CNTNAP5: variants seen among roughly 807,000 people sequenced by gnomAD.
CNTNAP5 encodes the protein contactin-associated protein-like 5.
In CNTNAP5, 72 loss-of-function variants were observed where a neutral mutation model predicts 150.2. The observed-to-expected ratio is 0.48, with a 90% CI of 0.40 to 0.58. The LOEUF is 0.58. Among genes scored for constraint, CNTNAP5 ranks in the 20% least tolerant of loss-of-function variants. The probability of loss-of-function intolerance (pLI) is 0.00; values close to 1 mark genes in which losing one functional copy is unlikely to be tolerated. For synonymous variants in CNTNAP5, 672 were observed against 619.8 expected (o/e 1.08, Z -1.25); for missense variants, 1,636 against 1,626.2 (o/e 1.01, Z -0.10).
intron 1 of CNTNAP5, among the ~76,000 whole-genome samples, chr2:124,104,194 C>A (rs561845375): frequency 5.9e-5 from 9 of 151,870 alleles, no homozygotes; most frequent in African/African-American, 2.2e-4. Flanking sequence ...ATTTTTCTTT[C>A]ATTTTTGAAG....
intron 3 of CNTNAP5, among the ~76,000 whole-genome samples, chr2:124,408,554 C>G (rs2104766465): frequency 6.6e-6 from 1 of 152,024 alleles, no homozygotes; most frequent in East Asian, 1.9e-4. Context: ...GGCAGACTGC[C>G]TCCTCAAGTG....
chr2:124,242,276 T>G lies in CNTNAP5; in HGVS notation c.264T>G (p.Ile88Met), dbSNP rs376635773. Residue 88 changes from isoleucine (I) to methionine (M), a missense_variant, in exon 3 of 24, where the codon ATT (isoleucine) becomes ATG (methionine). By Grantham distance (10) the Ile-to-Met change is conservative. Transcript: ENST00000682447. Reference protein sequence around the residue: ...LQMDLGNRVEITAVATQGRYG... With the variant: ...LQMDLGNRVEMTAVATQGRYG... ...TGGACCTGGGAAACAGAGTAGAGATTACAGCAGTGGCCACGCAGGGAAGAT... is the reference window on the plus strand; with the variant it reads ...TGGACCTGGGAAACAGAGTAGAGATGACAGCAGTGGCCACGCAGGGAAGAT... The G allele has an allele frequency of 6.2e-7, 1 of 1,609,944 alleles. No individual in the cohort carries two copies. Among genetic ancestry groups the G allele is most frequent in the Non-Finnish European group, 8.5e-7 (1 of 1,178,244 alleles).
intron 13 of CNTNAP5, among the ~76,000 whole-genome samples, chr2:124,736,564 G>C (rs569591225): frequency 6.6e-6 from 1 of 152,270 alleles, no homozygotes; most frequent in Admixed American, 6.5e-5. Flanking sequence ...AAACCTTACT[G>C]TATGGTGGTC....
At chr2:124,176,373 C>T (rs1685063880) in intron 1 of CNTNAP5, among the ~76,000 whole-genome samples, 1 of 152,174 alleles carries the variant, frequency 6.6e-6, no homozygotes, top group African/African-American at 2.4e-5. Context: ...ACTCAGAGCT[C>T]TGAAGCAGTC....
At chr2:124,238,300 CATGATGGAG>C (rs1686803164) in intron 2 of CNTNAP5, among the ~76,000 whole-genome samples, 1 of 151,994 alleles carries the variant, frequency 6.6e-6, no homozygotes, top group African/African-American at 2.4e-5. Flanking sequence ...ATCCTGTTTG[CATGATGGAG>C]ATCATTTGAG....
intron 3 of CNTNAP5, among the ~76,000 whole-genome samples, chr2:124,300,859 C>G (rs573836331): frequency 1.3e-5 from 2 of 152,292 alleles, no homozygotes; most frequent in South Asian, 2.1e-4. Flanking sequence ...TCTGCTGCAG[C>G]TTTCACCTTG....
intron 1 of CNTNAP5, among the ~76,000 whole-genome samples, chr2:124,131,798 A>G (rs1387331393): frequency 6.6e-6 from 1 of 152,170 alleles, no homozygotes; most frequent in African/African-American, 2.4e-5. Flanking sequence ...TTTTCATCCC[A>G]CTATGGAAGC....
At chr2:124,815,174 A>G (rs907591772) in intron 19 of CNTNAP5, among the ~76,000 whole-genome samples, 1 of 152,236 alleles carries the variant, frequency 6.6e-6, no homozygotes, top group Non-Finnish European at 1.5e-5. Context: ...CAGAATTTTC[A>G]ATAAACTGGC....
At chr2:124,296,285 T>A (rs897897085) in intron 3 of CNTNAP5, among the ~76,000 whole-genome samples, 1 of 152,230 alleles carries the variant, frequency 6.6e-6, no homozygotes, top group African/African-American at 2.4e-5. Context: ...CCATTCACCA[T>A]CTTGTAGCAT....
At chr2:124,184,021 T>G (rs1346915263) in intron 1 of CNTNAP5, among the ~76,000 whole-genome samples, 1 of 152,164 alleles carries the variant, frequency 6.6e-6, no homozygotes, top group Non-Finnish European at 1.5e-5. Context: ...GGCCAAGACA[T>G]TTAGAGGATT....
At chr2:124,774,214 AT>A (rs370255089) in intron 17 of CNTNAP5, among the ~76,000 whole-genome samples, 18 of 148,968 alleles carry the variant, frequency 1.2e-4, no homozygotes, top group East Asian at 3.9e-4. Context: ...TTGTTTATTT[AT>A]TTTTTTTTTG....
intron 13 of CNTNAP5, among the ~76,000 whole-genome samples, chr2:124,683,045 A>G (rs1186980089): frequency 6.6e-6 from 1 of 152,184 alleles, no homozygotes; most frequent in Non-Finnish European, 1.5e-5. Context: ...TGAGTTGTGT[A>G]TGTCTTGTGA....
At chr2:124,795,516 GTTGTTTTGTT>G (rs537119826) in intron 18 of CNTNAP5, among the ~76,000 whole-genome samples, 2 of 151,958 alleles carry the variant, frequency 1.3e-5, no homozygotes, top group Non-Finnish European at 2.9e-5. Flanking sequence ...GTTTTTGTTT[GTTGTTTTGTT>G]TTGTTTTGTT....
chr2:124,642,183 ATT>A (rs1340867304), intron 12 of CNTNAP5, among the ~76,000 whole-genome samples: 2 of 152,134 alleles, frequency 1.3e-5, no homozygotes, highest in Non-Finnish European at 2.9e-5. Context: ...ACCAGGGAAG[ATT>A]TTACCACACT....
intron 5 of CNTNAP5, among the ~76,000 whole-genome samples, chr2:124,445,949 A>G (rs1158123885): frequency 6.6e-6 from 1 of 152,098 alleles, no homozygotes; most frequent in African/African-American, 2.4e-5. Context: ...AAATTGAGAG[A>G]GAAGGAGGCG....
At chr2:124,233,944 G>C (rs1686685209) in intron 2 of CNTNAP5, among the ~76,000 whole-genome samples, 1 of 151,912 alleles carries the variant, frequency 6.6e-6, no homozygotes, top group African/African-American at 2.4e-5. Context: ...TCTTTTAAAA[G>C]AAAATTGCTC....
intron 3 of CNTNAP5, among the ~76,000 whole-genome samples, chr2:124,291,544 G>T (rs1688293090): frequency 6.9e-6 from 1 of 144,100 alleles, no homozygotes; most frequent in African/African-American, 2.5e-5. Context: ...ATTTTCTTCT[G>T]TTTTTTTTTT....
intron 19 of CNTNAP5, among the ~76,000 whole-genome samples, chr2:124,861,156 G>C (rs191616515): frequency 6.6e-6 from 1 of 151,930 alleles, no homozygotes; most frequent in East Asian, 1.9e-4. Flanking sequence ...ATCTTATCAG[G>C]GTGTGATAAA....
chr2:124,174,841 C>T (rs1454403206), intron 1 of CNTNAP5, among the ~76,000 whole-genome samples: 1 of 152,182 alleles, frequency 6.6e-6, no homozygotes, highest in African/African-American at 2.4e-5. Context: ...ATGTGGCAAA[C>T]TTCATTGTTG....
Sources: gnomAD v4.1 joint callset for allele counts (sites outside exome capture counted in the v4.1 genomes callset) on GRCh38, gnomAD v4.1.1 for gene constraint, MANE v1.5 for transcripts, NCBI Gene and HGNC (gene_info 2026-07-23, HGNC 2026-07-21) for gene names.